The following TBXA2R variants were observed in gnomAD, a reference collection of about 807,000 sequenced individuals.
TBXA2R encodes the protein prostanoid TP receptor.
TBXA2R carries 15 observed loss-of-function variants against 15.6 expected under a neutral mutation model. That is an observed-to-expected ratio of 0.96 (90% CI 0.64 to 1.48). The LOEUF is 1.48. Ranked by LOEUF, TBXA2R falls within the 40% of genes most tolerant of loss-of-function variation. The pLI, the probability that TBXA2R is intolerant of heterozygous loss-of-function variation, is 0.00. For synonymous variants in TBXA2R, 280 were observed against 241.2 expected (o/e 1.16, Z -1.49); for missense variants, 506 against 491.4 (o/e 1.03, Z -0.28).
intron 1 of TBXA2R, among the ~76,000 whole-genome samples, chr19:3,602,603 G>GGT (rs1000376669): frequency 1.3e-5 from 2 of 151,968 alleles, no homozygotes; most frequent in Non-Finnish European, 2.9e-5. Flanking sequence ...AGCCGGGTGT[G>GGT]GTGGTGCATA....
At chr19:3,599,371 C>T (rs537497761) in intron 2 of TBXA2R, among the ~76,000 whole-genome samples, 1 of 150,052 alleles carries the variant, frequency 6.7e-6, no homozygotes, top group East Asian at 1.9e-4. Context: ...GCTCTGTCGC[C>T]CAGGCTGGAG....
chr19:3,600,150 G>T lies in TBXA2R; in HGVS notation c.485C>A (p.Ala162Glu). ...TVGLVWAAAL[A>E]LGLLPLLGVG... ...GCCCAGCAGGGGCAGCAGGCCCAGCGCCAGCGCGGCCGCCCACACCAGCCC... is the reference window on the plus strand; with the variant it reads ...GCCCAGCAGGGGCAGCAGGCCCAGCTCCAGCGCGGCCGCCCACACCAGCCC... Residue 162 changes from alanine (A) to glutamate (E), a missense_variant, in exon 2 of 3, where the codon GCG (alanine) becomes GAG (glutamate). By Grantham distance (107) the Ala-to-Glu change is moderately radical (BLOSUM62 -1). Transcript: ENST00000375190. 1 of 1,604,480 alleles carries T rather than the reference G, an allele frequency of 6.2e-7. No homozygotes were observed. The highest frequency in any genetic ancestry group is 1.1e-5 in the South Asian group (1 of 90,374).
chr19:3,596,686 A>G lies in TBXA2R; in HGVS notation c.787-753T>C, dbSNP rs368172986. On this transcript the variant is annotated intron_variant, in intron 2 of 2. Coordinates refer to ENST00000375190, the MANE Select transcript of TBXA2R (RefSeq NM_001060.6). ...AGTCTCCGCCTCCTGGGTTTACGCCATTCTCCTGCCTCAGCCTCCCGAGTA... is the reference window on the plus strand; with the variant it reads ...AGTCTCCGCCTCCTGGGTTTACGCCGTTCTCCTGCCTCAGCCTCCCGAGTA... Among the ~76,000 whole-genome samples the G allele has an allele frequency of 8.1e-5, 12 of 147,778 alleles. No homozygotes were observed. The East Asian group carries it at 2.2e-3, about 27-fold the overall frequency.
chr19:3,605,614 A>C (rs757686100), intron 1 of TBXA2R, among the ~76,000 whole-genome samples: 2 of 150,700 alleles, frequency 1.3e-5, no homozygotes, highest in African/African-American at 2.5e-5. Context: ...ACACACACAG[A>C]AACACCACAG....
intron 1 of TBXA2R, among the ~76,000 whole-genome samples, chr19:3,603,187 C>T (rs1434095417): frequency 1.3e-5 from 2 of 152,248 alleles, no homozygotes; most frequent in African/African-American, 4.8e-5. Flanking sequence ...CCAGGGCGGT[C>T]AAATGGGTGA....
chr19:3,598,452 G>C (rs1289959369), intron 2 of TBXA2R, among the ~76,000 whole-genome samples: 7 of 145,080 alleles, frequency 4.8e-5, no homozygotes, highest in Non-Finnish European at 1.0e-4. Flanking sequence ...CTGGGCTCAA[G>C]CAATTCTCAT....
intron 1 of TBXA2R, among the ~76,000 whole-genome samples, chr19:3,602,967 T>C (rs1465864658): frequency 2.1e-5 from 3 of 144,754 alleles, no homozygotes; most frequent in Non-Finnish European, 4.5e-5. Flanking sequence ...ACCCGGGAGG[T>C]GGAGCTTGCA....
intron 1 of TBXA2R, among the ~76,000 whole-genome samples, chr19:3,604,850 G>A (rs542273609): frequency 1.1e-4 from 16 of 152,248 alleles, no homozygotes; most frequent in African/African-American, 3.6e-4. Flanking sequence ...CACCCCTGTC[G>A]GCCTTGGACC....
chr19:3,606,225 C>G (rs542915241), intron 1 of TBXA2R, among the ~76,000 whole-genome samples: 3 of 152,352 alleles, frequency 2.0e-5, no homozygotes, highest in Non-Finnish European at 4.4e-5. Context: ...GGGCCCCCTC[C>G]CCGGCTGCAG....
intron 1 of TBXA2R, among the ~76,000 whole-genome samples, chr19:3,601,764 T>G (rs1255291519): frequency 6.6e-6 from 1 of 151,506 alleles, no homozygotes; most frequent in Admixed American, 6.6e-5. Flanking sequence ...CCATCTTCAC[T>G]AAAAATACAA....
chr19:3,601,384 G>C (rs938643477), intron 1 of TBXA2R, among the ~76,000 whole-genome samples: 1 of 151,332 alleles, frequency 6.6e-6, no homozygotes, highest in Non-Finnish European at 1.5e-5. Context: ...ATATATCTGG[G>C]TGTAGTGGTA....
In TBXA2R at chr19:3,595,943, G is replaced by C; in HGVS notation, c.787-10C>G. The C allele has an allele frequency of 6.3e-7, 1 of 1,580,668 alleles. No individual in the cohort carries two copies. The highest frequency in any genetic ancestry group is 1.2e-5 in the South Asian group (1 of 86,804). On this transcript the variant is annotated splice_polypyrimidine_tract_variant and intron_variant, in intron 2 of 2. Transcript: ENST00000375190. Reference sequence around the variant, plus strand: ...TCTGGGCGATGAAGACCTGCAAAGGGGAGAGCTGTCAGCCTGGGCCCCCGC... The same window carrying C: ...TCTGGGCGATGAAGACCTGCAAAGGCGAGAGCTGTCAGCCTGGGCCCCCGC...
Position 3,600,707 on chromosome 19 carries a change from T to C in TBXA2R, c.-73A>G, listed in dbSNP as rs765652861. On this transcript the variant is annotated 5_prime_UTR_variant, in exon 2 of 3. Coordinates refer to ENST00000375190, the MANE Select transcript of TBXA2R (RefSeq NM_001060.6). ...TGCAGACAGGGCAGGCTGGCACTGG[T>C]TCAGGCACACCTGGGAGGCGAGAGA... The C allele has an allele frequency of 3.9e-6, 6 of 1,545,152 alleles. No homozygotes were observed. The highest frequency in any genetic ancestry group is 5.3e-6 in the Non-Finnish European group (6 of 1,131,780).
intron 2 of TBXA2R, among the ~76,000 whole-genome samples, chr19:3,597,337 C>A (rs1200685690): frequency 6.6e-6 from 1 of 150,824 alleles, no homozygotes; most frequent in Non-Finnish European, 1.5e-5. Flanking sequence ...GATAATTATT[C>A]ATAATTATAA....
chr19:3,602,827 G>A (rs374667790), intron 1 of TBXA2R, among the ~76,000 whole-genome samples: 28 of 151,732 alleles, frequency 1.8e-4, no homozygotes, highest in Non-Finnish European at 3.1e-4. Flanking sequence ...ACGAGGTCAG[G>A]AGATCGAGAC....
chr19:3,602,655 G>A (rs940827477), intron 1 of TBXA2R, among the ~76,000 whole-genome samples: 9 of 151,286 alleles, frequency 5.9e-5, no homozygotes, highest in Admixed American at 1.3e-4. Flanking sequence ...CAGGAGAATC[G>A]CTTGAACCCG....
chr19:3,600,735 A>T lies in TBXA2R; in HGVS notation c.-83-18T>A. On this transcript the variant is annotated intron_variant, in intron 1 of 2. Coordinates refer to ENST00000375190, the MANE Select transcript of TBXA2R (RefSeq NM_001060.6). ...AGGCACACCTGGGAGGCGAGAGAAG[A>T]TTTGCTTGTGATTAATTCTGCATTT... The T allele has an allele frequency of 7.3e-7, 1 of 1,369,120 alleles. No homozygotes were observed. The allele number at this position is 1,369,120 out of a possible 1,614,324, so 84.8% of individuals were successfully genotyped here.
rs200172414 is a variant in TBXA2R at position 3,600,167 on chromosome 19, C to T, written c.468G>A (p.Val156=). The T allele has an allele frequency of 3.6e-5, 57 of 1,599,674 alleles. No individual in the cohort carries two copies. The highest frequency in any genetic ancestry group is 3.3e-4 in the South Asian group (30 of 89,992). Residue 156 remains valine, a synonymous_variant, in exon 2 of 3, where the codon GTG becomes GTA. Coordinates refer to ENST00000375190, the MANE Select transcript of TBXA2R (RefSeq NM_001060.6). ...QRRAWATVGL[V]WAAALALGLL... ...GGCCCAGCGCCAGCGCGGCCGCCCA[C>T]ACCAGCCCCACGGTGGCCCAGGCGC...
Position 3,595,556 on chromosome 19 carries a change from C to T in TBXA2R, c.*132G>A, listed in dbSNP as rs918606550. The T allele has an allele frequency of 3.5e-6, 5 of 1,446,254 alleles. No homozygotes were observed. The African/African-American group carries it at 7.1e-5, about 21-fold the overall frequency. 89.6% of individuals were successfully genotyped at this position (1,446,254 alleles called of 1,614,324 possible). A position where few individuals can be genotyped will look rare whatever the true frequency, so the allele number is the denominator to read the frequency against. On this transcript the variant is annotated 3_prime_UTR_variant, in exon 3 of 3. Coordinates refer to ENST00000375190, the MANE Select transcript of TBXA2R (RefSeq NM_001060.6). Reference sequence around the variant, plus strand: ...GTCCCCGGGTTGGATTGGGGTCAACCCAAAACCCTGCTGCTGATGCCCACT... The same window carrying T: ...GTCCCCGGGTTGGATTGGGGTCAACTCAAAACCCTGCTGCTGATGCCCACT...
Sources: allele counts gnomAD v4.1 joint callset (sites outside exome capture counted in the v4.1 genomes callset), GRCh38; gene constraint gnomAD v4.1.1; transcripts MANE v1.5; gene names NCBI Gene and HGNC (gene_info 2026-07-23, HGNC 2026-07-21).